SQSTM1: variants seen among roughly 807,000 people sequenced by gnomAD.
The protein encoded by SQSTM1 is sequestosome-1.
SQSTM1 carries 36 observed loss-of-function variants against 45.1 expected under a neutral mutation model. The ratio of observed to expected loss-of-function variants is 0.80; its 90% CI spans 0.61 to 1.05. The LOEUF (loss-of-function observed/expected upper bound fraction) is 1.05, where lower values mean the gene tolerates loss of function less well. Ranked by LOEUF, SQSTM1 falls within the 50% of genes least tolerant of loss-of-function variation. The pLI is 0.00. For synonymous variants in SQSTM1, 290 were observed against 244.3 expected (o/e 1.19, Z -1.74); for missense variants, 617 against 607.1 (o/e 1.02, Z -0.17).
rs751263705 is a variant in SQSTM1 at position 179,825,156 on chromosome 5, A to G, written c.684A>G (p.Pro228=). ...PGPTAESASG[P]SEDPSVNFLK... ...TTGTAAAAATCAAAGCTTCTGGTCC[A>G]TCGGAGGATCCGAGTGTGAATTTCC... Residue 228 remains proline (P), a synonymous_variant, in exon 5 of 8, where the codon CCA becomes CCG. Coordinates refer to ENST00000389805, the MANE Select transcript of SQSTM1 (RefSeq NM_003900.5). The G allele has an allele frequency of 1.9e-6, 3 of 1,614,118 alleles. No homozygotes were observed. The highest frequency in any genetic ancestry group is 8.5e-7 in the Non-Finnish European group (1 of 1,180,032).
chr5:179,829,223 C>T (rs1051721035), intron 5 of SQSTM1, among the ~76,000 whole-genome samples: 3 of 152,188 alleles, frequency 2.0e-5, no homozygotes, highest in Non-Finnish European at 2.9e-5. Flanking sequence ...CTGGGCATCC[C>T]GAATGAGCAA....
At chr5:179,832,826 T>C (rs1302822167) in intron 5 of SQSTM1, among the ~76,000 whole-genome samples, 1 of 152,076 alleles carries the variant, frequency 6.6e-6, no homozygotes, top group Non-Finnish European at 1.5e-5. Flanking sequence ...TCTGGTCCCA[T>C]ACTGGCTGTG....
Position 179,832,220 on chromosome 5 carries a change from GGA to G in SQSTM1, c.755-808_755-807del, listed in dbSNP as rs1164682596. On this transcript the variant is annotated intron_variant, in intron 5 of 7. Transcript: ENST00000389805. ...AGCAGCGTGAGCTGAAAGGGCACAG[GGA>G]GAGTTTGGGGAGTGGGATGGGGGCA... Among the ~76,000 whole-genome samples, 8 of 152,372 alleles carry G rather than the reference GGA, an allele frequency of 5.3e-5. No individual in the cohort carries two copies. The South Asian group carries it at 1.2e-3, about 24-fold the overall frequency.
At position 179,832,034 on chromosome 5, in the gene SQSTM1, C is replaced by T. The variant is rs560096644; in HGVS notation, c.755-998C>T. Among the ~76,000 whole-genome samples the T allele has an allele frequency of 6.6e-5, 10 of 152,278 alleles. No individual in the cohort carries two copies. In the East Asian group the frequency reaches 1.5e-3, roughly 24 times the overall value. On this transcript the variant is annotated intron_variant, in intron 5 of 7. Coordinates refer to ENST00000389805, the MANE Select transcript of SQSTM1 (RefSeq NM_003900.5). ...TCCTGATCTCGTGATCCGCCCGCCTCGGCCTCCCAAAGTGCTGGGATTACA... is the reference window on the plus strand; with the variant it reads ...TCCTGATCTCGTGATCCGCCCGCCTTGGCCTCCCAAAGTGCTGGGATTACA...
chr5:179,833,607 C>G lies in SQSTM1; in HGVS notation c.990C>G (p.Asn330Lys). The change falls in exon 7 of 8, where the codon AAC (asparagine) becomes AAG (lysine). Residue 330 changes from asparagine to lysine, a missense_variant. Coordinates refer to ENST00000389805, the MANE Select transcript of SQSTM1 (RefSeq NM_003900.5). The stretch of plus-strand genomic sequence containing the variant: ...TCCAGGAACAGATGGAGTCGGATAA[C>G]TGTTCAGGAGGAGATGATGACTGGA... Reference protein sequence around the residue: ...GRPEEQMESDNCSGGDDDWTH... With the variant: ...GRPEEQMESDKCSGGDDDWTH... The G allele has an allele frequency of 6.2e-7, 1 of 1,614,158 alleles. No homozygotes were observed.
chr5:179,817,463 A>G (rs1305299546), upstream of SQSTM1, among the ~76,000 whole-genome samples: 3 of 152,138 alleles, frequency 2.0e-5, no homozygotes, highest in Non-Finnish European at 4.4e-5. Flanking sequence ...GAGGCAGGCC[A>G]TGTTTGAATT....
intron 5 of SQSTM1, among the ~76,000 whole-genome samples, chr5:179,832,638 G>T (rs543766776): frequency 6.6e-6 from 1 of 152,334 alleles, no homozygotes; most frequent in South Asian, 2.1e-4. Flanking sequence ...TAGGAAAAAG[G>T]TCTCTTTCGA....
upstream of SQSTM1, among the ~76,000 whole-genome samples, chr5:179,816,377 T>A (rs1445773564): frequency 6.6e-6 from 1 of 151,976 alleles, no homozygotes; most frequent in Non-Finnish European, 1.5e-5. Flanking sequence ...CTCGAACTCC[T>A]GACCTCGTGA....
rs541354577 is a variant in SQSTM1, at chr5:179,837,745, G to A, written c.*1152G>A. On this transcript the variant is annotated 3_prime_UTR_variant, in exon 8 of 8. Coordinates refer to ENST00000389805, the MANE Select transcript of SQSTM1 (RefSeq NM_003900.5). ...GCAGGACAAATTGCGCCCATTTAGA[G>A]GATGTGGCTGTAACCTGCTGGATGG... The A allele has an allele frequency of 1.2e-6, 2 of 1,614,242 alleles. No individual in the cohort carries two copies. The highest frequency in any genetic ancestry group is 1.7e-5 in the Admixed American group (1 of 60,034).
At chr5:179,812,352 T>C (rs1027087142) in intron 2 of SQSTM1, 1 of 151,920 alleles carries the variant, frequency 6.6e-6, no homozygotes, top group Non-Finnish European at 1.5e-5. Context: ...CCTTTTCGGG[T>C]TCCTTCCTGA....
chr5:179,819,930 T>C (rs1463302003), upstream of SQSTM1, among the ~76,000 whole-genome samples: 1 of 152,210 alleles, frequency 6.6e-6, no homozygotes, highest in Non-Finnish European at 1.5e-5. Flanking sequence ...CTCCAGCTCC[T>C]GCAAGCCCTG....
upstream of SQSTM1, among the ~76,000 whole-genome samples, chr5:179,815,004 ACAAT>A (rs1757538486): frequency 6.6e-6 from 1 of 152,246 alleles, no homozygotes; most frequent in African/African-American, 2.4e-5. Flanking sequence ...GCCAGAAAGT[ACAAT>A]CAACAGGAAC....
At chr5:179,820,897 C>T (rs760877175), upstream of SQSTM1, 4 of 1,456,790 alleles carry the variant, frequency 2.7e-6, no homozygotes, top group Middle Eastern at 4.1e-4. Context: ...GCGGCGGCTG[C>T]GACCGGGACG....
chr5:179,832,964 C>A, intron 5 of SQSTM1, 68 bp from the exon 6 acceptor site: 6 of 1,511,426 alleles, frequency 4.0e-6, no homozygotes, highest in Non-Finnish European at 4.6e-6. Context: ...CTCCACAGGC[C>A]AAGCTCCTGC....
intron 6 of SQSTM1, 24 bp from the exon 7 acceptor site, chr5:179,833,563 T>A (rs370868602): frequency 6.2e-6 from 10 of 1,613,800 alleles, no homozygotes; most frequent in Admixed American, 5.0e-5. Context: ...GTCTCCTGTG[T>A]GCTCATGGTG....
At chr5:179,822,378 C>T (rs541665366) in intron 1 of SQSTM1, 24 of 172,240 alleles carry the variant, frequency 1.4e-4, no homozygotes, top group Non-Finnish European at 2.5e-4. Context: ...CCTGTGCCCT[C>T]GGTGGATGGC....
At chr5:179,818,326 G>C (rs1757645771), upstream of SQSTM1, among the ~76,000 whole-genome samples, 1 of 152,160 alleles carries the variant, frequency 6.6e-6, no homozygotes, top group Non-Finnish European at 1.5e-5. Context: ...CTCATCCCCT[G>C]TGTCCCCTGT....
At chr5:179,818,071 G>C (rs1177458261), upstream of SQSTM1, among the ~76,000 whole-genome samples, 8 of 147,474 alleles carry the variant, frequency 5.4e-5, no homozygotes, top group Admixed American at 4.2e-4. Context: ...ATTTTTCCTA[G>C]GGAGTGGTCA....
At chr5:179,812,493 A>G (rs1401558533) in intron 2 of SQSTM1, 2 of 152,246 alleles carry the variant, frequency 1.3e-5, no homozygotes, top group Non-Finnish European at 2.9e-5. Context: ...TGGCATCTCC[A>G]GGCTGCTTCA....
Sources: allele counts gnomAD v4.1 joint callset (sites outside exome capture counted in the v4.1 genomes callset), GRCh38; gene constraint gnomAD v4.1.1; transcripts MANE v1.5; gene names NCBI Gene and HGNC (gene_info 2026-07-23, HGNC 2026-07-21).